The following OCA2 variants were observed in gnomAD, a reference collection of about 807,000 sequenced individuals.
The protein encoded by OCA2 is OCA2 melanosomal transmembrane protein, also known as P protein.
A neutral mutation model predicts 100.2 loss-of-function variants in OCA2; 77 were observed. The observed-to-expected ratio is 0.77, with a 90% CI of 0.64 to 0.93. OCA2 has a LOEUF of 0.93. OCA2 is among the 40% of genes least tolerant of loss of function. The pLI, the probability that OCA2 is intolerant of heterozygous loss-of-function variation, is 0.00. For synonymous variants in OCA2, 432 were observed against 439.2 expected (o/e 0.98, Z 0.21); for missense variants, 1,062 against 1,089.1 (o/e 0.98, Z 0.35).
At chr15:27,735,572 C>A in the OCA2 span, among the ~76,000 whole-genome samples, 19 of 152,108 alleles carry the variant, frequency 1.2e-4, no homozygotes, top group African/African-American at 4.1e-4. Flanking sequence ...TATAATCAAA[C>A]TGTCAAAAAC....
chr15:27,832,105 G>A (rs1256751529), intron 23 of OCA2, among the ~76,000 whole-genome samples: 2 of 152,116 alleles, frequency 1.3e-5, no homozygotes, highest in Non-Finnish European at 2.9e-5. Context: ...CTGCGGACTG[G>A]AACATACTCA....
intron 23 of OCA2, among the ~76,000 whole-genome samples, chr15:27,756,279 A>G (rs886936497): frequency 7.2e-5 from 11 of 152,238 alleles, no homozygotes; most frequent in African/African-American, 1.9e-4. Context: ...TGGCAATTAT[A>G]AAGACATTCT....
chr15:27,779,426 T>C (rs1305382611), intron 23 of OCA2, among the ~76,000 whole-genome samples: 1 of 152,234 alleles, frequency 6.6e-6, no homozygotes, highest in Non-Finnish European at 1.5e-5. Flanking sequence ...GCTTACTTTA[T>C]ATATTTAGGT....
chr15:27,983,201 C>G (rs145382285), intron 14 of OCA2, 144 bp downstream of exon 14: 2 of 950,728 alleles, frequency 2.1e-6, no homozygotes, highest in African/African-American at 3.2e-5. Context: ...CCTAACATCC[C>G]AGTCTTGAGA....
chr15:28,053,310 T>G (rs1162533403), intron 2 of OCA2, among the ~76,000 whole-genome samples: 1 of 152,046 alleles, frequency 6.6e-6, no homozygotes, highest in Non-Finnish European at 1.5e-5. Flanking sequence ...TTCACACACC[T>G]GGGAAGGAAG....
chr15:27,946,678 A>C (rs1008748928), intron 18 of OCA2, among the ~76,000 whole-genome samples: 2 of 152,188 alleles, frequency 1.3e-5, no homozygotes, highest in Non-Finnish European at 2.9e-5. Flanking sequence ...TTGTTTTATC[A>C]GAAGGAAAAG....
At chr15:27,774,306 C>G (rs2032062370) in intron 23 of OCA2, among the ~76,000 whole-genome samples, 1 of 152,226 alleles carries the variant, frequency 6.6e-6, no homozygotes, top group Non-Finnish European at 1.5e-5. Flanking sequence ...GGAAGAGAGT[C>G]CATGTTATAA....
At chr15:28,013,407 AC>A (rs2042296476) in intron 9 of OCA2, among the ~76,000 whole-genome samples, 2 of 152,080 alleles carry the variant, frequency 1.3e-5, no homozygotes, top group Non-Finnish European at 2.9e-5. Flanking sequence ...TTCCCTCATT[AC>A]CAAAGAGAAG....
At chr15:28,010,971 A>G (rs76197614) in intron 9 of OCA2, among the ~76,000 whole-genome samples, 2,054 of 152,334 alleles carry the variant, frequency 0.013, 42 homozygotes, top group African/African-American at 0.047. Flanking sequence ...TGGTACTGGT[A>G]GAGGAACAGA....
intron 23 of OCA2, among the ~76,000 whole-genome samples, chr15:27,787,407 C>T (rs139731500): frequency 6.6e-6 from 1 of 152,132 alleles, no homozygotes; most frequent in African/African-American, 2.4e-5. Context: ...TTTTTAATCA[C>T]AAATTTAATC....
intron 1 of OCA2, among the ~76,000 whole-genome samples, chr15:28,093,157 G>A (rs538717072): frequency 1.3e-5 from 2 of 152,280 alleles, no homozygotes; most frequent in South Asian, 2.1e-4. Context: ...ATAGAAAACA[G>A]GCCAGGCGCA....
At chr15:27,917,362 T>A (rs1031768432) in intron 19 of OCA2, among the ~76,000 whole-genome samples, 1 of 152,128 alleles carries the variant, frequency 6.6e-6, no homozygotes, top group Non-Finnish European at 1.5e-5. Context: ...TATTAAGTAA[T>A]TTGTCTAAAA....
intron 9 of OCA2, among the ~76,000 whole-genome samples, chr15:27,992,391 C>T (rs773080339): frequency 3.2e-4 from 49 of 152,300 alleles, no homozygotes; most frequent in African/African-American, 7.7e-4. Context: ...TGAGCCACCG[C>T]GCCCAGCCAG....
At chr15:28,074,397 G>A (rs537249822) in intron 2 of OCA2, among the ~76,000 whole-genome samples, 44 of 151,286 alleles carry the variant, frequency 2.9e-4, no homozygotes, top group East Asian at 5.9e-4. Context: ...AAAAATGGCC[G>A]GGCGCGGTGG....
Position 27,773,971 on chromosome 15 carries a change from G to A in OCA2, c.2433-18499C>T, listed in dbSNP as rs552319005. ...TGTGCCTTAGTTAAAATATCATTCC[G>A]TTAACTGGGACACAGGAAGTATATT... On this transcript the variant is annotated intron_variant, in intron 23 of 23. Coordinates refer to ENST00000354638, the MANE Select transcript of OCA2 (RefSeq NM_000275.3). Among the ~76,000 whole-genome samples the A allele has an allele frequency of 5.3e-5, 8 of 152,250 alleles. No homozygotes were observed. In the South Asian group the frequency reaches 8.3e-4, roughly 16 times the overall value.
intron 23 of OCA2, among the ~76,000 whole-genome samples, chr15:27,809,761 T>C (rs527446152): frequency 6.6e-6 from 1 of 152,296 alleles, no homozygotes; most frequent in East Asian, 1.9e-4. Flanking sequence ...CAATCCCTTT[T>C]ACAATAGCTG....
intron 19 of OCA2, among the ~76,000 whole-genome samples, chr15:27,891,406 G>T (rs772515715): frequency 2.2e-4 from 33 of 152,164 alleles, no homozygotes; most frequent in Non-Finnish European, 4.0e-4. Flanking sequence ...TGGAAACAGA[G>T]GAAATAAAGA....
chr15:28,064,867 A>G (rs988222531), intron 2 of OCA2, among the ~76,000 whole-genome samples: 4 of 145,762 alleles, frequency 2.7e-5, no homozygotes, highest in Admixed American at 7.2e-5. Context: ...TTTTTTTTTT[A>G]TTATTATTGT....
chr15:27,924,404 T>A (rs1004559165), intron 19 of OCA2, among the ~76,000 whole-genome samples: 3 of 150,148 alleles, frequency 2.0e-5, no homozygotes, highest in Non-Finnish European at 3.0e-5. Context: ...GTCTTTTTTT[T>A]ATCATTTTTC....
Sources: gnomAD v4.1 joint callset for allele counts (sites outside exome capture counted in the v4.1 genomes callset) on GRCh38, gnomAD v4.1.1 for gene constraint, MANE v1.5 for transcripts, NCBI Gene and HGNC (gene_info 2026-07-23, HGNC 2026-07-21) for gene names.